The following AK4 variants were observed in gnomAD, a reference collection of about 807,000 sequenced individuals.
AK4 encodes adenylate kinase 4, mitochondrial.
AK4 carries 13 observed loss-of-function variants against 24.6 expected under a neutral mutation model. The ratio of observed to expected loss-of-function variants is 0.53; its 90% confidence interval spans 0.34 to 0.84. The LOEUF (loss-of-function observed/expected upper bound fraction) is 0.84. Among genes scored for constraint, AK4 ranks in the 40% least tolerant of loss-of-function variants. The probability of loss-of-function intolerance (pLI) is 0.01; values close to 1 mark genes in which losing one functional copy is unlikely to be tolerated. For synonymous variants in AK4, 88 were observed against 107.0 expected, an observed-to-expected ratio of 0.82 and a Z score of 1.10; for missense variants, 192 against 288.2, an observed-to-expected ratio of 0.67 and a Z score of 2.42.
chr1:65,156,205 A>C (rs1051036355), intron 1 of AK4, among the ~76,000 whole-genome samples: 1 of 152,214 alleles, frequency 6.6e-6, no homozygotes, highest in African/African-American at 2.4e-5. Context: ...ATAATACACT[A>C]GGAATAGAGT....
At chr1:65,214,968 A>G (rs1652078921) in intron 2 of AK4, among the ~76,000 whole-genome samples, 2 of 152,144 alleles carry the variant, frequency 1.3e-5, no homozygotes, top group African/African-American at 4.8e-5. Flanking sequence ...CCTGACAGAA[A>G]AATGGGGCAG....
At chr1:65,201,435 A>G (rs377512164) in intron 2 of AK4, among the ~76,000 whole-genome samples, 1 of 152,218 alleles carries the variant, frequency 6.6e-6, no homozygotes. Context: ...GAGATTGACT[A>G]GATTTTAACA....
chr1:65,158,955 G>A (rs946738345), intron 1 of AK4, among the ~76,000 whole-genome samples: 1 of 152,190 alleles, frequency 6.6e-6, no homozygotes, highest in Admixed American at 6.5e-5. Flanking sequence ...GCTTCATGTA[G>A]TTGAATTTAA....
intron 2 of AK4, among the ~76,000 whole-genome samples, chr1:65,191,661 G>A (rs1043635069): frequency 6.6e-6 from 1 of 151,852 alleles, no homozygotes; most frequent in African/African-American, 2.4e-5. Context: ...GGGGTGGATA[G>A]CCTTTGATTT....
chr1:65,162,842 A>G (rs1650212183), intron 1 of AK4, among the ~76,000 whole-genome samples: 1 of 151,666 alleles, frequency 6.6e-6, no homozygotes, highest in South Asian at 2.1e-4. Context: ...GGCAGTTACT[A>G]CTCTAGTTCT....
intron 1 of AK4, among the ~76,000 whole-genome samples, chr1:65,189,675 A>ACACC (rs1553124627): frequency 1.3e-5 from 2 of 150,916 alleles, no homozygotes; most frequent in Non-Finnish European, 2.9e-5. Context: ...ACACACACAC[A>ACACC]CACCCCACAC....
At chr1:65,167,374 A>G (rs533855054) in intron 1 of AK4, among the ~76,000 whole-genome samples, 42 of 152,300 alleles carry the variant, frequency 2.8e-4, no homozygotes, top group African/African-American at 7.7e-4. Context: ...TTGATTGCAT[A>G]TATGAGTACA....
intron 1 of AK4, among the ~76,000 whole-genome samples, chr1:65,156,069 T>C (rs975646078): frequency 1.3e-5 from 2 of 152,268 alleles, no homozygotes; most frequent in African/African-American, 4.8e-5. Context: ...TTTCCAATTT[T>C]GTTAAATACT....
intron 2 of AK4, among the ~76,000 whole-genome samples, chr1:65,210,617 T>TGGA (rs1158752484): frequency 2.6e-5 from 4 of 152,178 alleles, no homozygotes; most frequent in African/African-American, 9.7e-5. Flanking sequence ...TGTTGGGTGA[T>TGGA]GGTGGTGGTG....
intron 1 of AK4, among the ~76,000 whole-genome samples, chr1:65,180,057 C>T (rs992221096): frequency 4.6e-5 from 7 of 152,166 alleles, no homozygotes; most frequent in South Asian, 2.1e-4. Context: ...CAAAGACATA[C>T]GTGACAAAAG....
At chr1:65,159,969 CAAAAAAA>C (rs951802334) in intron 1 of AK4, among the ~76,000 whole-genome samples, 17 of 63,364 alleles carry the variant, frequency 2.7e-4, no homozygotes, top group South Asian at 5.5e-4. Context: ...ACTATGTCTC[CAAAAAAA>C]AAAAAAAAAA....
At chr1:65,159,937 C>T (rs566650199) in intron 1 of AK4, among the ~76,000 whole-genome samples, 1 of 144,986 alleles carries the variant, frequency 6.9e-6, no homozygotes, top group East Asian at 2.0e-4. Context: ...CACTGCATTC[C>T]AGCCTGGGCA....
chr1:65,180,571 A>G (rs1226511414), intron 1 of AK4, among the ~76,000 whole-genome samples: 2 of 152,192 alleles, frequency 1.3e-5, no homozygotes, highest in Admixed American at 6.5e-5. Context: ...TTTTTAACCA[A>G]GGTTTTTTAT....
At chr1:65,221,165 A>G (rs183913418) in intron 3 of AK4, among the ~76,000 whole-genome samples, 59 of 152,366 alleles carry the variant, frequency 3.9e-4, no homozygotes, top group African/African-American at 1.2e-3. Flanking sequence ...GATAAAGACT[A>G]TCTGATAAAG....
intron 3 of AK4, 28 bp downstream of exon 3, chr1:65,218,954 C>A (rs767968144): frequency 1.3e-6 from 2 of 1,495,120 alleles, no homozygotes; most frequent in Admixed American, 2.2e-5. Flanking sequence ...GCTTTCACAA[C>A]CTGACAAGAA....
chr1:65,152,326 C>T (rs1427209400), intron 1 of AK4, among the ~76,000 whole-genome samples: 2 of 29,644 alleles, frequency 6.7e-5, no homozygotes, highest in East Asian at 2.5e-3. Context: ...ATCTCTCTCT[C>T]TCTCTCTCTC....
chr1:65,178,871 G>A (rs910240428), intron 1 of AK4, among the ~76,000 whole-genome samples: 1 of 152,196 alleles, frequency 6.6e-6, no homozygotes, highest in Non-Finnish European at 1.5e-5. Context: ...AGGTGAGGTT[G>A]AGAAGTAGTT....
intron 1 of AK4, among the ~76,000 whole-genome samples, chr1:65,172,062 A>AAT (rs1406842262): frequency 1.3e-4 from 4 of 29,910 alleles, no homozygotes; most frequent in Non-Finnish European, 3.7e-4. Flanking sequence ...CTCCATCTCA[A>AAT]GTATATATAT....
At chr1:65,178,362 G>A (rs1311195097) in intron 1 of AK4, among the ~76,000 whole-genome samples, 1 of 152,112 alleles carries the variant, frequency 6.6e-6, no homozygotes, top group Non-Finnish European at 1.5e-5. Context: ...GTCCAACCCT[G>A]GTTCTGCCCA....
Sources: allele counts gnomAD v4.1 joint callset (sites outside exome capture counted in the v4.1 genomes callset), GRCh38; gene constraint gnomAD v4.1.1; transcripts MANE v1.5; gene names NCBI Gene and HGNC (gene_info 2026-07-23, HGNC 2026-07-21).